RTN4RL1: variants seen among roughly 807,000 people sequenced by gnomAD.
RTN4RL1 encodes the protein reticulon 4 receptor like 1, also known as reticulon-4 receptor-like 1.
In RTN4RL1, 7 loss-of-function variants were observed where a neutral mutation model predicts 25.6. The ratio of observed to expected loss-of-function variants is 0.27; its 90% confidence interval spans 0.16 to 0.51. The LOEUF (loss-of-function observed/expected upper bound fraction) is 0.51, where lower values mean the gene tolerates loss of function less well. Among genes scored for constraint, RTN4RL1 ranks in the 20% least tolerant of loss-of-function variants. RTN4RL1 has a pLI of 0.97. For missense variants in RTN4RL1, 500 were observed against 615.6 expected (o/e 0.81, Z 1.99); for synonymous variants, 297 against 288.2 (o/e 1.03, Z -0.31).
chr17:1,943,383 A>T (rs538598580), intron 1 of RTN4RL1, among the ~76,000 whole-genome samples: 11 of 152,176 alleles, frequency 7.2e-5, no homozygotes, highest in African/African-American at 2.2e-4. Context: ...GCTCACCCCA[A>T]CTTGCCAGCA....
intron 1 of RTN4RL1, among the ~76,000 whole-genome samples, chr17:1,974,157 G>A (rs1775171065): frequency 6.6e-6 from 1 of 152,016 alleles, no homozygotes; most frequent in Non-Finnish European, 1.5e-5. Flanking sequence ...GGGCAACAGG[G>A]CGAAACTCCA....
At chr17:1,941,228 A>C (rs12450572) in intron 1 of RTN4RL1, among the ~76,000 whole-genome samples, 14,035 of 152,256 alleles carry the variant, frequency 0.092, 811 homozygotes, top group Admixed American at 0.19. Flanking sequence ...TTTCCCCGTC[A>C]GACACAAAGC....
intron 1 of RTN4RL1, among the ~76,000 whole-genome samples, chr17:1,978,011 C>T (rs953769436): frequency 6.6e-6 from 1 of 151,320 alleles, no homozygotes; most frequent in Non-Finnish European, 1.5e-5. Flanking sequence ...TCCCGCACCC[C>T]GCATCCTGCA....
rs1432388688 is a variant in RTN4RL1 at position 1,994,871 on chromosome 17, G to A, written c.13+29982C>T. Among the ~76,000 whole-genome samples the A allele has an allele frequency of 6.6e-6, 1 of 151,986 alleles. No individual in the cohort carries two copies. Among genetic ancestry groups the A allele is most frequent in the Non-Finnish European group, 1.5e-5 (1 of 68,010 alleles). Reference sequence around the variant, plus strand: ...CCAGTACTTTGGGAAGCCGAGGTGGGAGGACTGCTTGAAGCCAGGAGTTCA... The same window carrying A: ...CCAGTACTTTGGGAAGCCGAGGTGGAAGGACTGCTTGAAGCCAGGAGTTCA... On this transcript the variant is annotated intron_variant, in intron 1 of 1. Coordinates refer to ENST00000331238, the MANE Select transcript of RTN4RL1 (RefSeq NM_178568.4). The surrounding 1 kb of genome is among the most constrained non-coding windows in gnomAD (Gnocchi z 4.3).
rs763553016 is a variant in RTN4RL1 at position 1,937,167 on chromosome 17, C to T, written c.655G>A (p.Asp219Asn). The change falls in exon 2 of 2, where the codon GAC becomes AAC. Residue 219 changes from aspartate to asparagine, a missense_variant. Asp to Asn is a conservative substitution (Grantham distance 23). Transcript: ENST00000331238. ...LQWVHHKAFH[D>N]LRRLTTLFLF... ...AAGAGGGTGGTCAGCCTGCGGAGGT[C>T]GTGGAACGCCTTGTGGTGGACCCAC... 7 of 1,612,288 alleles carry T rather than the reference C, an allele frequency of 4.3e-6. No homozygotes were observed. The South Asian group carries it at 4.4e-5, about 10-fold the overall frequency.
At chr17:1,941,982 C>G (rs183535126) in intron 1 of RTN4RL1, among the ~76,000 whole-genome samples, 1 of 152,168 alleles carries the variant, frequency 6.6e-6, no homozygotes, top group South Asian at 2.1e-4. Flanking sequence ...AAGTGAGGCC[C>G]GAGCCTTGGC....
chr17:1,936,188 C>A lies in RTN4RL1; in HGVS notation c.*308G>T. The A allele has an allele frequency of 8.3e-7, 1 of 1,198,866 alleles. No individual in the cohort carries two copies. 74.3% of individuals were successfully genotyped at this position (1,198,866 alleles called of 1,614,324 possible). A position where few individuals can be genotyped will look rare whatever the true frequency, so the allele number is the denominator to read the frequency against. On this transcript the variant is annotated 3_prime_UTR_variant, in exon 2 of 2. Coordinates refer to ENST00000331238, the MANE Select transcript of RTN4RL1 (RefSeq NM_178568.4). The stretch of plus-strand genomic sequence containing the variant: ...CGGTGCCGCCGTCGGGGGCAATTGT[C>A]CCACTGTTGCCAGTGGAGGATGCAC...
chr17:2,013,663 G>GGGGTTT (rs1567528226), intron 1 of RTN4RL1, among the ~76,000 whole-genome samples: 65 of 83,062 alleles, frequency 7.8e-4, no homozygotes, highest in Middle Eastern at 6.2e-3. Context: ...CTCTCACCCT[G>GGGGTTT]GAACATAAAT....
intron 1 of RTN4RL1, among the ~76,000 whole-genome samples, chr17:1,981,019 C>G (rs1442683885): frequency 6.6e-6 from 1 of 150,902 alleles, no homozygotes; most frequent in Non-Finnish European, 1.5e-5. Flanking sequence ...CCACACTCAT[C>G]AGGCAGGAGG....
chr17:1,955,729 G>A (rs902383930), intron 1 of RTN4RL1, among the ~76,000 whole-genome samples: 12 of 151,584 alleles, frequency 7.9e-5, no homozygotes, highest in Non-Finnish European at 1.2e-4. Context: ...GATTACAGGC[G>A]CCCACCACCA....
intron 1 of RTN4RL1, among the ~76,000 whole-genome samples, chr17:1,997,922 C>T (rs770746564): frequency 1.3e-5 from 2 of 152,230 alleles, no homozygotes; most frequent in Non-Finnish European, 2.9e-5. Flanking sequence ...CCGGCGCGCT[C>T]CTCGCAGGCC....
intron 1 of RTN4RL1, among the ~76,000 whole-genome samples, chr17:2,023,834 G>A (rs1308534094): frequency 6.6e-6 from 1 of 152,198 alleles, no homozygotes; most frequent in Non-Finnish European, 1.5e-5. Flanking sequence ...AGGCCCCTCG[G>A]CTACCTGAGC....
intron 1 of RTN4RL1, among the ~76,000 whole-genome samples, chr17:1,954,048 T>A (rs560333106): frequency 1.8e-4 from 27 of 152,326 alleles, no homozygotes; most frequent in African/African-American, 6.5e-4. Context: ...AGAACCTGTG[T>A]CCACAGTGAT....
chr17:1,950,114 C>G (rs1019454526), intron 1 of RTN4RL1, among the ~76,000 whole-genome samples: 1 of 151,898 alleles, frequency 6.6e-6, no homozygotes, highest in Admixed American at 6.6e-5. Flanking sequence ...GCGGGAGCAA[C>G]AGGATTGGGT....
intron 1 of RTN4RL1, among the ~76,000 whole-genome samples, chr17:1,962,740 G>A (rs963072434): frequency 6.6e-6 from 1 of 151,458 alleles, no homozygotes; most frequent in Non-Finnish European, 1.5e-5. Flanking sequence ...TGGTGTGCCT[G>A]TAACCCCAGC....
intron 1 of RTN4RL1, among the ~76,000 whole-genome samples, chr17:2,005,724 C>T (rs2066988409): frequency 7.6e-6 from 1 of 132,374 alleles, no homozygotes; most frequent in Non-Finnish European, 1.6e-5. Flanking sequence ...AGAGCAAGAC[C>T]ATCTCTCTCT....
Position 1,956,441 on chromosome 17 carries a change from G to A in RTN4RL1, c.14-18633C>T, listed in dbSNP as rs376703978. 1.7e-4 allele frequency among the ~76,000 whole-genome samples: 26 copies of A among 149,990 alleles called. No homozygotes were observed. In the East Asian group the frequency reaches 4.5e-3, roughly 26 times the overall value. ...CTGAGGACTCAAGTGGGGGCCTGGT[G>A]GGGGGGCGGGTTCCAGCCAGAAGCA... is the stretch of plus-strand genomic sequence containing the variant. On this transcript the variant is annotated intron_variant, in intron 1 of 1. Coordinates refer to ENST00000331238, the MANE Select transcript of RTN4RL1 (RefSeq NM_178568.4).
At chr17:1,954,194 G>A (rs903980235) in intron 1 of RTN4RL1, among the ~76,000 whole-genome samples, 6 of 152,066 alleles carry the variant, frequency 3.9e-5, no homozygotes, top group African/African-American at 1.2e-4. Flanking sequence ...GTCCCAACAC[G>A]CCTTCCAATG....
At chr17:1,988,785 G>C (rs1252812078) in intron 1 of RTN4RL1, among the ~76,000 whole-genome samples, 1 of 151,792 alleles carries the variant, frequency 6.6e-6, no homozygotes, top group African/African-American at 2.4e-5. Flanking sequence ...TCTAGAAGAA[G>C]GGTAGGAATT....
Sources: allele counts gnomAD v4.1 joint callset (sites outside exome capture counted in the v4.1 genomes callset), GRCh38; gene constraint gnomAD v4.1.1; non-coding constraint Gnocchi (gnomAD v3.1); transcripts MANE v1.5; gene names NCBI Gene and HGNC (gene_info 2026-07-23, HGNC 2026-07-21).